Variants in SON observed in about 807,000 individuals in gnomAD.
The protein encoded by SON is SON DNA and RNA binding protein, also known as protein SON.
Under a neutral mutation model 173.3 loss-of-function variants are expected in SON, and 4 were observed. The ratio of observed to expected loss-of-function variants is 0.02; its 90% CI spans 0.01 to 0.05. The LOEUF is 0.05. SON is among the 10% of genes least tolerant of loss of function. The pLI, the probability that SON is intolerant of heterozygous loss-of-function variation, is 1.00. For synonymous variants in SON, 1,190 were observed against 1,105.9 expected (o/e 1.08, Z -1.51); for missense variants, 2,626 against 3,055.3 (o/e 0.86, Z 3.31).
At position 33,576,510 on chromosome 21, in the gene SON, A is replaced by G. The variant is rs1284948275; in HGVS notation, c.*86A>G. On this transcript the variant is annotated 3_prime_UTR_variant, in exon 12 of 12. Transcript: ENST00000356577. ...CAGCAGCTACTGTGGTTCTTCAAGC[A>G]ATGGGCCTTGTACCAAAGGACCTCA... 2.3e-6 allele frequency: 2 copies of G among 866,214 alleles called. No homozygotes were observed. Among genetic ancestry groups the G allele is most frequent in the African/African-American group, 3.3e-5 (2 of 60,666 alleles). 53.7% of individuals were successfully genotyped at this position (866,214 alleles called of 1,614,324 possible).
chr21:33,546,969 T>C (rs2145805151), intron 2 of SON: 1 of 152,304 alleles, frequency 6.6e-6, no homozygotes, highest in South Asian at 2.1e-4. Flanking sequence ...TTTCTTTTTC[T>C]TTTCTTTTCT....
chr21:33,557,660 C>T, intron 4 of SON: 1 of 1,523,570 alleles, frequency 6.6e-7, no homozygotes. Context: ...GACGCGTTCA[C>T]TGATCGCCAC....
intron 6 of SON, among the ~76,000 whole-genome samples, chr21:33,562,016 A>C (rs1232368177): frequency 1.3e-5 from 2 of 152,110 alleles, no homozygotes; most frequent in East Asian, 1.9e-4. Flanking sequence ...ATTAATTCTA[A>C]AGAAGAGAAT....
chr21:33,554,035 G>C lies in SON; in HGVS notation c.4804G>C (p.Glu1602Gln). 1 of 1,614,052 alleles carries C rather than the reference G, an allele frequency of 6.2e-7. No homozygotes were observed. Among genetic ancestry groups the C allele is most frequent in the Admixed American group, 1.7e-5 (1 of 60,004 alleles). ...ATCTTCTACTGGTCCTTTTGCTCTG[G>C]AACCTGATGCAACAGGAACTAGTAA... is the stretch of plus-strand genomic sequence containing the variant. ...TLSSTGPFAL[E>Q]PDATGTSKGI... The change falls in exon 3 of 12, where the codon GAA becomes CAA. Residue 1602 changes from glutamate to glutamine, a missense_variant. Coordinates refer to ENST00000356577, the MANE Select transcript of SON (RefSeq NM_138927.4).
Position 33,557,558 on chromosome 21 carries a change from A to T in SON, c.6321+242A>T, listed in dbSNP as rs1472517710. On this transcript the variant is annotated intron_variant, in intron 4 of 11. Transcript: ENST00000356577. Reference sequence around the variant, plus strand: ...TTTTGCTTTCCAGTTTTAGAAGCCAAACTGACTGAGGAGTGGGACGGTTCG... The same window carrying T: ...TTTTGCTTTCCAGTTTTAGAAGCCATACTGACTGAGGAGTGGGACGGTTCG... 1.9e-6 allele frequency: 3 copies of T among 1,550,478 alleles called. No individual in the cohort carries two copies. In the Admixed American group the frequency reaches 5.9e-5, roughly 30 times the overall value.
At chr21:33,564,814 CTG>C (rs2086134928) in intron 6 of SON, among the ~76,000 whole-genome samples, 1 of 141,514 alleles carries the variant, frequency 7.1e-6, no homozygotes, top group Non-Finnish European at 1.5e-5. Flanking sequence ...TGAGCCAAGA[CTG>C]TGCCATTGCA....
intron 6 of SON, among the ~76,000 whole-genome samples, chr21:33,566,655 A>G (rs1035948575): frequency 2.0e-5 from 3 of 152,186 alleles, no homozygotes; most frequent in Non-Finnish European, 4.4e-5. Flanking sequence ...CAACTGGAAG[A>G]TGTTAAAGAT....
intron 2 of SON, among the ~76,000 whole-genome samples, chr21:33,547,952 T>C (rs1274860001): frequency 1.3e-5 from 2 of 151,856 alleles, no homozygotes; most frequent in Non-Finnish European, 2.9e-5. Flanking sequence ...CTTGATCTCC[T>C]GGCCTCGTGA....
chr21:33,546,258 T>A lies in SON; in HGVS notation c.123T>A (p.Ile41=). ...TGAATGGTGAAACAAATACACCCAT[T>A]GAAGGAAACCAGGCGGGTGATGCAG... ...GQLNGETNTP[I]EGNQAGDAAA... Residue 41 remains isoleucine, a synonymous_variant, in exon 2 of 12, where the codon ATT becomes ATA. Coordinates refer to ENST00000356577, the MANE Select transcript of SON (RefSeq NM_138927.4). 1 of 1,613,918 alleles carries A rather than the reference T, an allele frequency of 6.2e-7. No homozygotes were observed. Among genetic ancestry groups the A allele is most frequent in the Non-Finnish European group, 8.5e-7 (1 of 1,179,916 alleles).
chr21:33,543,638 G>C (rs1026307735), intron 1 of SON: 39 of 202,220 alleles, frequency 1.9e-4, no homozygotes, highest in South Asian at 7.6e-4. Context: ...ATTATTGCGA[G>C]CTTCAGACCG....
chr21:33,554,208 G>T lies in SON; in HGVS notation c.4977G>T (p.Leu1659Phe), dbSNP rs560363920. ...GGSEADIEGP[L>F]PAKDIHLDLP... Reference sequence around the variant, plus strand: ...GTGAAGCTGACATTGAAGGGCCTTTGCCTGCTAAAGATATTCATCTTGATT... The same window carrying T: ...GTGAAGCTGACATTGAAGGGCCTTTTCCTGCTAAAGATATTCATCTTGATT... Residue 1659 changes from leucine to phenylalanine, a missense_variant, in exon 3 of 12, where the codon TTG (leucine) becomes TTT (phenylalanine). Leu to Phe is a conservative substitution (Grantham distance 22). Transcript: ENST00000356577. 6.2e-7 allele frequency: 1 copy of T among 1,614,118 alleles called. No individual in the cohort carries two copies. Among genetic ancestry groups the T allele is most frequent in the Non-Finnish European group, 8.5e-7 (1 of 1,179,998 alleles).
intron 8 of SON, chr21:33,572,604 C>T (rs1258223930): frequency 7.7e-6 from 10 of 1,304,108 alleles, no homozygotes; most frequent in Non-Finnish European, 1.0e-5. Flanking sequence ...CCGTACTATT[C>T]ACAACACTGC....
At position 33,555,097 on chromosome 21, in the gene SON, C is replaced by T. The variant is rs753737534; in HGVS notation, c.5866C>T (p.Arg1956Cys). ...RRSFSISPSR[R>C]SRTPSRRSRT... ...GAGCTTTAGCATTTCCCCAAGCCGC[C>T]GCAGCCGCACCCCCAGCCGCCGCAG... Residue 1956 changes from arginine to cysteine, a missense_variant, in exon 3 of 12, where the codon CGC becomes TGC. Physicochemically the swap from Arg to Cys is radical, Grantham distance 180. Coordinates refer to ENST00000356577, the MANE Select transcript of SON (RefSeq NM_138927.4). 4 of 1,528,152 alleles carry T rather than the reference C, an allele frequency of 2.6e-6. No individual in the cohort carries two copies. Among genetic ancestry groups the T allele is most frequent in the Non-Finnish European group, 3.5e-6 (4 of 1,131,820 alleles). 94.7% of individuals were successfully genotyped at this position (1,528,152 alleles called of 1,614,324 possible). A position where few individuals can be genotyped will look rare whatever the true frequency, so the allele number is the denominator to read the frequency against.
chr21:33,553,560 G>T lies in SON; in HGVS notation c.4329G>T (p.Ser1443=). 1 of 1,614,038 alleles carries T rather than the reference G, an allele frequency of 6.2e-7. No individual in the cohort carries two copies. The highest frequency in any genetic ancestry group is 1.1e-5 in the South Asian group (1 of 91,038). The change falls in exon 3 of 12, where the codon TCG becomes TCT. Residue 1443 remains serine (S), a synonymous_variant. Transcript: ENST00000356577. ...AACCATCTGTTTCTGTCCAGGAATC[G>T]ACTGTGACAGTTTCAGAGCCTGCTG... ...VSEPSVSVQE[S]TVTVSEPAVT...
Position 33,553,041 on chromosome 21 carries a change from A to C in SON, c.3810A>C (p.Ala1270=), listed in dbSNP as rs1238710059. ...TLTPVESAVV[A]EEHEVVPERP... is the part of the protein sequence containing the mutation. ...CACCTGTAGAGTCTGCAGTAGTAGC[A>C]GAAGAACATGAAGTTGTTCCAGAGA... Residue 1270 remains alanine, a synonymous_variant, in exon 3 of 12, where the codon GCA becomes GCC. Transcript: ENST00000356577. 6.2e-7 allele frequency: 1 copy of C among 1,614,094 alleles called. No individual in the cohort carries two copies. The highest frequency in any genetic ancestry group is 1.3e-5 in the African/African-American group (1 of 74,950).
At chr21:33,561,506 AT>A (rs2086070061) in intron 6 of SON, among the ~76,000 whole-genome samples, 1 of 152,204 alleles carries the variant, frequency 6.6e-6, no homozygotes, top group Admixed American at 6.5e-5. Flanking sequence ...GACTTAACAA[AT>A]ATTGCAGAAT....
rs980034113 is a variant in SON, at chr21:33,559,177, CAT to C, written c.6322-52_6322-51del. On this transcript the variant is annotated intron_variant, in intron 4 of 11. Coordinates refer to ENST00000356577, the MANE Select transcript of SON (RefSeq NM_138927.4). The surrounding 1 kb of genome is among the most constrained non-coding windows in gnomAD (Gnocchi z 4.1). ...ATGTGGTTTTGATTCTAAGAAATTA[CAT>C]GTTCTACATAAAGCGTAAGATTTAT... 148 of 1,342,334 alleles carry C rather than the reference CAT, an allele frequency of 1.1e-4. No homozygotes were observed. The highest frequency in any genetic ancestry group is 1.2e-4 in the Non-Finnish European group (123 of 1,005,362). The allele number at this position is 1,342,334 out of a possible 1,614,324, so 83.2% of individuals were successfully genotyped here.
chr21:33,553,330 G>C lies in SON; in HGVS notation c.4099G>C (p.Val1367Leu). 1 of 1,585,660 alleles carries C rather than the reference G, an allele frequency of 6.3e-7. No individual in the cohort carries two copies. The highest frequency in any genetic ancestry group is 8.6e-7 in the Non-Finnish European group (1 of 1,157,190). Reference sequence around the variant, plus strand: ...TGTCCTGGAGTCTTCGGCTGTGACCGTCCTGGAGTCTTCGACTGTGACTGT... The same window carrying C: ...TGTCCTGGAGTCTTCGGCTGTGACCCTCCTGGAGTCTTCGACTGTGACTGT... ...MAVLESSAVTVLESSTVTVLE... is the reference protein window; with the variant it reads ...MAVLESSAVTLLESSTVTVLE... Residue 1367 changes from valine (V) to leucine (L), a missense_variant, in exon 3 of 12, where the codon GTC (valine) becomes CTC (leucine). Physicochemically the swap from Val to Leu is conservative, Grantham distance 32. Transcript: ENST00000356577.
chr21:33,571,805 C>G (rs992753110), intron 8 of SON: 1 of 152,604 alleles, frequency 6.6e-6, no homozygotes, highest in East Asian at 1.9e-4. Flanking sequence ...AAAAGACATT[C>G]TAGGTGTGTA....
Sources: gnomAD v4.1 joint callset for allele counts (sites outside exome capture counted in the v4.1 genomes callset) on GRCh38, gnomAD v4.1.1 for gene constraint, Gnocchi (gnomAD v3.1) non-coding constraint, MANE v1.5 for transcripts, NCBI Gene and HGNC (gene_info 2026-07-23, HGNC 2026-07-21) for gene names.